Variants in ZNF136 observed in about 807,000 individuals in gnomAD.
The protein encoded by ZNF136 is zinc finger protein 136, also known as zinc finger protein 136 (clone pHZ-20).
In ZNF136, 8 loss-of-function variants were observed where a neutral mutation model predicts 11.4. The observed-to-expected ratio is 0.70, with a 90% CI of 0.41 to 1.27. ZNF136 has a LOEUF of 1.27. Ranked by LOEUF, ZNF136 falls within the 50% of genes most tolerant of loss-of-function variation. The probability of loss-of-function intolerance (pLI) is 0.01; values close to 1 mark genes in which losing one functional copy is unlikely to be tolerated. For missense variants in ZNF136, 590 were observed against 656.5 expected (o/e 0.90, Z 1.11); for synonymous variants, 190 against 207.1 (o/e 0.92, Z 0.71).
At chr19:12,165,099 A>G (rs1977167309) in intron 1 of ZNF136, among the ~76,000 whole-genome samples, 2 of 152,188 alleles carry the variant, frequency 1.3e-5, no homozygotes, top group Admixed American at 1.3e-4. Flanking sequence ...AAAAGACGGA[A>G]ATGATTCCTG....
chr19:12,171,139 C>T (rs1393303573), intron 1 of ZNF136, among the ~76,000 whole-genome samples: 3 of 151,550 alleles, frequency 2.0e-5, no homozygotes, highest in Non-Finnish European at 2.9e-5. Flanking sequence ...CAGGCCCCAC[C>T]CAGCTAATTT....
At chr19:12,167,900 T>C (rs923318749) in intron 1 of ZNF136, among the ~76,000 whole-genome samples, 2 of 152,158 alleles carry the variant, frequency 1.3e-5, no homozygotes, top group Non-Finnish European at 2.9e-5. Flanking sequence ...TAAATAGATA[T>C]GGTCATAGAA....
At chr19:12,184,251 G>T (rs1915025737) in intron 1 of ZNF136, among the ~76,000 whole-genome samples, 1 of 143,826 alleles carries the variant, frequency 7.0e-6, no homozygotes, top group South Asian at 2.2e-4. Context: ...GGGCGACAGA[G>T]CAAGACTCCA....
At chr19:12,172,030 G>A (rs1356581519) in intron 1 of ZNF136, among the ~76,000 whole-genome samples, 1 of 148,526 alleles carries the variant, frequency 6.7e-6, no homozygotes, top group African/African-American at 2.5e-5. Flanking sequence ...CCAGGCTGGA[G>A]TGCAGTGGCA....
intron 1 of ZNF136, among the ~76,000 whole-genome samples, chr19:12,183,467 G>A (rs758879322): frequency 6.6e-6 from 1 of 152,146 alleles, no homozygotes; most frequent in Non-Finnish European, 1.5e-5. Context: ...GAATCCTAGA[G>A]TGTAGCCTTG....
intron 1 of ZNF136, among the ~76,000 whole-genome samples, chr19:12,173,701 G>A (rs1305469612): frequency 6.6e-6 from 1 of 152,128 alleles, no homozygotes; most frequent in African/African-American, 2.4e-5. Context: ...CCAAAAAAGG[G>A]TGTTATGGGA....
Position 12,174,300 on chromosome 19 carries a change from G to GT in ZNF136, c.3+11101dup, listed in dbSNP as rs562088140. Among the ~76,000 whole-genome samples the GT allele has an allele frequency of 2.6e-4, 39 of 152,262 alleles. 1 individual carries two copies. Among genetic ancestry groups the GT allele is most frequent in the African/African-American group, 7.5e-4 (31 of 41,558 alleles). Reference sequence around the variant, plus strand: ...TGGTGTGAGGGGAATAGCAAGGTGTGTTTTTTTCACTTAGATGATATGCAG... The same window carrying GT: ...TGGTGTGAGGGGAATAGCAAGGTGTGTTTTTTTTCACTTAGATGATATGCAG... On this transcript the variant is annotated intron_variant, in intron 1 of 3. Transcript: ENST00000343979.
At chr19:12,169,771 G>A (rs1297160147) in intron 1 of ZNF136, among the ~76,000 whole-genome samples, 1 of 151,488 alleles carries the variant, frequency 6.6e-6, no homozygotes. Context: ...CACCACACCC[G>A]GCTAATTTTT....
Position 12,181,365 on chromosome 19 carries a change from T to C in ZNF136, c.4-4420T>C, listed in dbSNP as rs186838556. Among the ~76,000 whole-genome samples, 58 of 152,332 alleles carry C rather than the reference T, an allele frequency of 3.8e-4. 1 individual carries two copies. The East Asian group carries it at 0.011, about 28-fold the overall frequency. Reference sequence around the variant, plus strand: ...AACTCTCCTTGATCTGGCAGCAAACTGCTAAATTGTAGGTATAATTTCTGC... The same window carrying C: ...AACTCTCCTTGATCTGGCAGCAAACCGCTAAATTGTAGGTATAATTTCTGC... On this transcript the variant is annotated intron_variant, in intron 1 of 3. Coordinates refer to ENST00000343979, the MANE Select transcript of ZNF136 (RefSeq NM_003437.5).
At position 12,187,074 on chromosome 19, in the gene ZNF136, C is replaced by T. The variant is rs747083116; in HGVS notation, c.696C>T (p.Ala232=). 1 of 1,613,992 alleles carries T rather than the reference C, an allele frequency of 6.2e-7. No homozygotes were observed. The highest frequency in any genetic ancestry group is 1.1e-5 in the South Asian group (1 of 91,070). ...KPYECQECGK[A]FTCITSVRRH... ...ATGAATGTCAGGAATGTGGAAAAGC[C>T]TTCACTTGTATCACAAGTGTTCGAA... The change falls in exon 4 of 4, where the codon GCC becomes GCT. Residue 232 remains alanine, a synonymous_variant. Coordinates refer to ENST00000343979, the MANE Select transcript of ZNF136 (RefSeq NM_003437.5).
chr19:12,171,123 C>G lies in ZNF136; in HGVS notation c.3+7917C>G, dbSNP rs567350974. 2.6e-5 allele frequency among the ~76,000 whole-genome samples: 4 copies of G among 152,052 alleles called. No individual in the cohort carries two copies. The South Asian group carries it at 8.3e-4, about 32-fold the overall frequency. Reference sequence around the variant, plus strand: ...GTGCTGGGATTACAGGCATGAGCCACTGCGCCAGGCCCCACCCAGCTAATT... The same window carrying G: ...GTGCTGGGATTACAGGCATGAGCCAGTGCGCCAGGCCCCACCCAGCTAATT... On this transcript the variant is annotated intron_variant, in intron 1 of 3. Transcript: ENST00000343979.
At chr19:12,180,560 G>T (rs1430668787) in intron 1 of ZNF136, among the ~76,000 whole-genome samples, 1 of 152,132 alleles carries the variant, frequency 6.6e-6, no homozygotes, top group Non-Finnish European at 1.5e-5. Context: ...GGAAGCTGAG[G>T]GTGTGTGTAT....
intron 1 of ZNF136, among the ~76,000 whole-genome samples, chr19:12,170,462 A>G (rs1914626570): frequency 6.7e-6 from 1 of 150,250 alleles, no homozygotes; most frequent in African/African-American, 2.5e-5. Context: ...ATCACAGCTC[A>G]CTGCAACCTT....
At chr19:12,180,586 G>T (rs978437122) in intron 1 of ZNF136, among the ~76,000 whole-genome samples, 6 of 152,066 alleles carry the variant, frequency 3.9e-5, no homozygotes, top group Admixed American at 3.9e-4. Context: ...CTCTGTGGAG[G>T]GTGGCAACAT....
chr19:12,177,353 T>A (rs889624298), intron 1 of ZNF136, among the ~76,000 whole-genome samples: 3 of 152,252 alleles, frequency 2.0e-5, no homozygotes, highest in Non-Finnish European at 4.4e-5. Flanking sequence ...TTTGTTTGTT[T>A]TTGTTTTGAG....
intron 1 of ZNF136, among the ~76,000 whole-genome samples, chr19:12,163,448 G>A (rs1347958927): frequency 1.3e-5 from 2 of 152,246 alleles, no homozygotes; most frequent in Admixed American, 6.5e-5. Flanking sequence ...GAAGACCCAA[G>A]TCTCTTCAGA....
intron 1 of ZNF136, chr19:12,169,360 G>A (rs1914577831): frequency 1.3e-5 from 2 of 152,250 alleles, no homozygotes; most frequent in Non-Finnish European, 2.9e-5. Flanking sequence ...CTGGAGGAGG[G>A]AGCATTTCCA....
In ZNF136 at chr19:12,186,159, G is replaced by A. The variant is rs147268850; in HGVS notation, c.176G>A (p.Arg59Gln). ...AACATTAAAGATCACTACAAACACCGAGGGAGAAATCTAAGGTAATTTGTA... is the reference window on the plus strand; with the variant it reads ...AACATTAAAGATCACTACAAACACCAAGGGAGAAATCTAAGGTAATTTGTA... ...DQNIKDHYKH[R>Q]GRNLRSHMLE... The change falls in exon 3 of 4, where the codon CGA (arginine) becomes CAA (glutamine). Residue 59 changes from arginine to glutamine, a missense_variant. Arg to Gln is a conservative substitution (Grantham distance 43). Coordinates refer to ENST00000343979, the MANE Select transcript of ZNF136 (RefSeq NM_003437.5). The A allele has an allele frequency of 1.2e-4, 186 of 1,609,788 alleles. No homozygotes were observed. The highest frequency in any genetic ancestry group is 5.1e-4 in the African/African-American group (38 of 74,882).
chr19:12,180,254 G>A (rs1385085647), intron 1 of ZNF136, among the ~76,000 whole-genome samples: 2 of 152,156 alleles, frequency 1.3e-5, no homozygotes, highest in Non-Finnish European at 2.9e-5. Flanking sequence ...CCTAGCAAGG[G>A]ACAGAGACAT....
Sources: allele counts gnomAD v4.1 joint callset (sites outside exome capture counted in the v4.1 genomes callset), GRCh38; gene constraint gnomAD v4.1.1; transcripts MANE v1.5; gene names NCBI Gene and HGNC (gene_info 2026-07-23, HGNC 2026-07-21).